The following CACNA2D3 variants were observed in gnomAD, a reference collection of about 807,000 sequenced individuals.
CACNA2D3 encodes calcium voltage-gated channel auxiliary subunit alpha2delta 3.
CACNA2D3 carries 60 observed loss-of-function variants against 160.6 expected under a neutral mutation model. The observed-to-expected ratio is 0.37, with a 90% CI of 0.30 to 0.46. CACNA2D3 has a LOEUF of 0.46. Ranked by LOEUF, CACNA2D3 falls within the 20% of genes least tolerant of loss-of-function variation. CACNA2D3 has a pLI of 1.00. For synonymous variants in CACNA2D3, 558 were observed against 492.9 expected, an observed-to-expected ratio of 1.13 and a Z score of -1.75; for missense variants, 1,205 against 1,365.0, an observed-to-expected ratio of 0.88 and a Z score of 1.85.
At chr3:54,993,902 G>GTA (rs1702795439) in intron 31 of CACNA2D3, among the ~76,000 whole-genome samples, 1 of 146,188 alleles carries the variant, frequency 6.8e-6, no homozygotes, top group East Asian at 2.0e-4. Context: ...GTGTGTGTGT[G>GTA]TGTGTGTGTG....
intron 11 of CACNA2D3, among the ~76,000 whole-genome samples, chr3:54,687,121 C>CTTTTTCTTTTTCTTTTTCTTTT: frequency 5.3e-5 from 5 of 94,968 alleles, no homozygotes; most frequent in African/African-American, 1.6e-4. Context: ...TTTTCTTTTT[C>CTTTTTCTTTTTCTTTTTCTTTT]TTTTTTTTTT....
At position 54,984,557 on chromosome 3, in the gene CACNA2D3, G is replaced by T. The variant is rs539325852; in HGVS notation, c.2557-51G>T. 32 of 1,041,674 alleles carry T rather than the reference G, an allele frequency of 3.1e-5. No homozygotes were observed. The African/African-American group carries it at 3.5e-4, about 11-fold the overall frequency. 64.5% of individuals were successfully genotyped at this position (1,041,674 alleles called of 1,614,324 possible). A position where few individuals can be genotyped will look rare whatever the true frequency, so the allele number is the denominator to read the frequency against. ...CATTCTGTTTAAAAGCAGTGTGATG[G>T]CCCGAAGTTGAAGCTGTTTTTTTGT... On this transcript the variant is annotated intron_variant, in intron 29 of 37. Coordinates refer to ENST00000474759, the MANE Select transcript of CACNA2D3 (RefSeq NM_018398.3).
At chr3:54,290,710 C>T (rs950934707) in intron 2 of CACNA2D3, among the ~76,000 whole-genome samples, 30 of 151,912 alleles carry the variant, frequency 2.0e-4, no homozygotes, top group African/African-American at 7.3e-4. Flanking sequence ...ACATATACAC[C>T]ATGGAATACT....
At chr3:54,644,388 T>A (rs1699590717) in intron 11 of CACNA2D3, among the ~76,000 whole-genome samples, 1 of 152,188 alleles carries the variant, frequency 6.6e-6, no homozygotes, top group Non-Finnish European at 1.5e-5. Flanking sequence ...TCTGCCCTAT[T>A]CTGGAGAGTT....
intron 9 of CACNA2D3, 57 bp from the exon 10 acceptor site, chr3:54,627,730 G>A: frequency 9.8e-7 from 1 of 1,022,760 alleles, no homozygotes; most frequent in Non-Finnish European, 1.5e-6. Context: ...TTCATTCAAG[G>A]TTGGTGTTTC....
intron 6 of CACNA2D3, among the ~76,000 whole-genome samples, chr3:54,565,306 G>A (rs1358276720): frequency 6.6e-6 from 1 of 152,150 alleles, no homozygotes; most frequent in Non-Finnish European, 1.5e-5. Context: ...TAAGCTGAGG[G>A]AAATAGAAGG....
intron 3 of CACNA2D3, among the ~76,000 whole-genome samples, chr3:54,346,198 C>G (rs565446417): frequency 6.6e-6 from 1 of 152,282 alleles, no homozygotes; most frequent in African/African-American, 2.4e-5. Flanking sequence ...GACCGTAAAA[C>G]ATGGCATGGA....
At chr3:54,548,628 C>T (rs1702104057) in intron 5 of CACNA2D3, among the ~76,000 whole-genome samples, 1 of 152,218 alleles carries the variant, frequency 6.6e-6, no homozygotes, top group Admixed American at 6.5e-5. Context: ...CCACCTCTTC[C>T]AGTTACAAAA....
intron 3 of CACNA2D3, among the ~76,000 whole-genome samples, chr3:54,333,175 A>AGGTGGTCGATTCATGTGTTTATTTTT (rs1704302726): frequency 6.6e-6 from 1 of 151,690 alleles, no homozygotes; most frequent in Admixed American, 6.6e-5. Context: ...GGTGGAATAG[A>AGGTGGTCGATTCATGTGTTTATTTTT]GGTGGTCGAT....
chr3:54,350,372 T>C (rs1698531367), intron 3 of CACNA2D3, among the ~76,000 whole-genome samples: 1 of 152,146 alleles, frequency 6.6e-6, no homozygotes, highest in Non-Finnish European at 1.5e-5. Flanking sequence ...TAAGCATCTA[T>C]TGCATTTTAG....
intron 11 of CACNA2D3, among the ~76,000 whole-genome samples, chr3:54,699,681 C>T (rs1205969321): frequency 6.6e-6 from 1 of 152,164 alleles, no homozygotes; most frequent in Non-Finnish European, 1.5e-5. Context: ...TTGGTTCCAG[C>T]TTGCTGTGTT....
intron 18 of CACNA2D3, among the ~76,000 whole-genome samples, chr3:54,877,765 G>T (rs998461287): frequency 2.6e-5 from 4 of 152,128 alleles, no homozygotes; most frequent in African/African-American, 9.7e-5. Flanking sequence ...TGGAGACACA[G>T]CGAGGCTTAC....
At chr3:54,241,011 G>C (rs780909787) in intron 2 of CACNA2D3, among the ~76,000 whole-genome samples, 4 of 152,124 alleles carry the variant, frequency 2.6e-5, no homozygotes, top group Non-Finnish European at 5.9e-5. Flanking sequence ...AAAATGCTGG[G>C]ATTACAGGCA....
chr3:54,339,264 C>T (rs28555632), intron 3 of CACNA2D3, among the ~76,000 whole-genome samples: 32,201 of 152,030 alleles, frequency 0.21, 3,682 homozygotes, highest in Middle Eastern at 0.29. Flanking sequence ...TGAGTGGAAT[C>T]TTCTTCACCA....
intron 13 of CACNA2D3, among the ~76,000 whole-genome samples, chr3:54,813,226 A>G (rs562394485): frequency 5.3e-5 from 8 of 152,308 alleles, no homozygotes; most frequent in South Asian, 2.1e-4. Context: ...AAGGAACCCA[A>G]TGCTGCCTGT....
At chr3:54,329,271 A>G (rs1048677195) in intron 3 of CACNA2D3, among the ~76,000 whole-genome samples, 1 of 152,128 alleles carries the variant, frequency 6.6e-6, no homozygotes, top group Non-Finnish European at 1.5e-5. Flanking sequence ...CTGTGGCCCC[A>G]GTGCCTACTA....
intron 3 of CACNA2D3, among the ~76,000 whole-genome samples, chr3:54,322,046 G>A (rs1429744571): frequency 6.6e-6 from 1 of 152,046 alleles, no homozygotes; most frequent in Non-Finnish European, 1.5e-5. Context: ...AATATCTTTA[G>A]GTTCTGCTTC....
At chr3:54,803,266 T>C (rs1040543297) in intron 13 of CACNA2D3, among the ~76,000 whole-genome samples, 34 of 152,178 alleles carry the variant, frequency 2.2e-4, no homozygotes, top group Non-Finnish European at 4.3e-4. Context: ...TACTCCGAGC[T>C]ACAGGAGGAA....
intron 4 of CACNA2D3, among the ~76,000 whole-genome samples, chr3:54,498,186 C>A (rs1160581704): frequency 1.3e-5 from 2 of 151,558 alleles, no homozygotes; most frequent in Admixed American, 1.3e-4. Flanking sequence ...TTGATAGAAT[C>A]CATCAGTTAA....
Sources: gnomAD v4.1 joint callset for allele counts (sites outside exome capture counted in the v4.1 genomes callset) on GRCh38, gnomAD v4.1.1 for gene constraint, MANE v1.5 for transcripts, NCBI Gene and HGNC (gene_info 2026-07-23, HGNC 2026-07-21) for gene names.